The following SENP2 variants were observed in gnomAD, a reference collection of about 807,000 sequenced individuals.
SENP2 encodes the protein SUMO specific peptidase 2.
Under a neutral mutation model 86.3 loss-of-function variants are expected in SENP2, and 16 were observed. That is an observed-to-expected ratio of 0.19 (90% CI 0.13 to 0.28). SENP2 has a LOEUF of 0.28. Ranked by LOEUF, SENP2 falls within the 10% of genes least tolerant of loss-of-function variation. SENP2 has a pLI of 1.00. For missense variants in SENP2, 552 were observed against 703.0 expected, an observed-to-expected ratio of 0.79 and a Z score of 2.43; for synonymous variants, 222 against 238.7, an observed-to-expected ratio of 0.93 and a Z score of 0.64.
intron 2 of SENP2, among the ~76,000 whole-genome samples, chr3:185,592,007 ATTTCTTTTTT>A (rs1470572644): frequency 1.1e-4 from 4 of 35,082 alleles, no homozygotes; most frequent in Non-Finnish European, 2.3e-4. Flanking sequence ...AACCGGTAAT[ATTTCTTTTTT>A]TTTTTTTTTT....
intron 12 of SENP2, among the ~76,000 whole-genome samples, chr3:185,618,618 C>T (rs1020688933): frequency 6.6e-6 from 1 of 152,190 alleles, no homozygotes; most frequent in African/African-American, 2.4e-5. Context: ...GTGGCTCACG[C>T]CTGTAATCCC....
intron 1 of SENP2, among the ~76,000 whole-genome samples, chr3:185,589,263 A>G (rs886305446): frequency 6.6e-6 from 1 of 152,074 alleles, no homozygotes. Flanking sequence ...CTTGATTAAG[A>G]TTTGTCTTTT....
At chr3:185,597,392 G>A (rs1299448216) in intron 2 of SENP2, among the ~76,000 whole-genome samples, 4 of 151,622 alleles carry the variant, frequency 2.6e-5, no homozygotes, top group Admixed American at 6.6e-5. Flanking sequence ...TCACTCTGTC[G>A]CCCCGGCTGG....
Position 185,632,509 on chromosome 3 carries a change from A to C in SENP2, c.*2665A>C, listed in dbSNP as rs1712533573. ...CTCGGCCTCCCAAAGTGCTGGTATTACAGTCATGAGCCACCTCACCCAGCC... is the reference window on the plus strand; with the variant it reads ...CTCGGCCTCCCAAAGTGCTGGTATTCCAGTCATGAGCCACCTCACCCAGCC... On this transcript the variant is annotated 3_prime_UTR_variant, in exon 17 of 17. Transcript: ENST00000296257. The C allele has an allele frequency of 6.7e-6, 1 of 149,108 alleles. No individual in the cohort carries two copies. Among genetic ancestry groups the C allele is most frequent in the African/African-American group, 2.5e-5 (1 of 39,878 alleles). The allele number at this position is 149,108 out of a possible 1,614,324, so 9.2% of individuals were successfully genotyped here.
intron 16 of SENP2, among the ~76,000 whole-genome samples, chr3:185,628,400 G>A (rs576980468): frequency 6.6e-6 from 1 of 152,272 alleles, no homozygotes; most frequent in East Asian, 1.9e-4. Context: ...GCCTTCCAAA[G>A]TGCTGGGATT....
At chr3:185,599,682 G>A (rs1343131335) in intron 4 of SENP2, among the ~76,000 whole-genome samples, 1 of 152,128 alleles carries the variant, frequency 6.6e-6, no homozygotes, top group African/African-American at 2.4e-5. Flanking sequence ...AATGATAAAA[G>A]CCTTAGAGTT....
At position 185,630,018 on chromosome 3, in the gene SENP2, G is replaced by A. The variant is rs575330256; in HGVS notation, c.*174G>A. 2 of 619,228 alleles carry A rather than the reference G, an allele frequency of 3.2e-6. No individual in the cohort carries two copies. Among genetic ancestry groups the A allele is most frequent in the Non-Finnish European group, 5.8e-6 (2 of 345,250 alleles). The allele number at this position is 619,228 out of a possible 1,614,324, so 38.4% of individuals were successfully genotyped here. A position where few individuals can be genotyped will look rare whatever the true frequency, so the allele number is the denominator to read the frequency against. The stretch of plus-strand genomic sequence containing the variant: ...CTCTAGTCCTGACTTGGGGTGCAGA[G>A]GGCTGCTTGCAATCCTGTTTGTAAG... On this transcript the variant is annotated 3_prime_UTR_variant, in exon 17 of 17. Coordinates refer to ENST00000296257, the MANE Select transcript of SENP2 (RefSeq NM_021627.3).
Position 185,600,757 on chromosome 3 carries a change from T to C in SENP2, c.359-8T>C, listed in dbSNP as rs754593437. On this transcript the variant is annotated splice_polypyrimidine_tract_variant and splice_region_variant and intron_variant, in intron 4 of 16. Transcript: ENST00000296257. ...CATTTTACAATTACAAATGCATTTT[T>C]TAAATAGGTAATAAATCTCCTAATG... The C allele has an allele frequency of 6.4e-6, 10 of 1,556,854 alleles. No homozygotes were observed. The highest frequency in any genetic ancestry group is 7.9e-6 in the Non-Finnish European group (9 of 1,133,494).
At chr3:185,598,015 A>T in intron 2 of SENP2, among the ~76,000 whole-genome samples, 1 of 151,130 alleles carries the variant, frequency 6.6e-6, no homozygotes. Flanking sequence ...GGACTTTTTT[A>T]AATTTTTGTT....
chr3:185,594,006 G>A (rs1011267075), intron 2 of SENP2, among the ~76,000 whole-genome samples: 25 of 151,934 alleles, frequency 1.6e-4, no homozygotes, highest in African/African-American at 6.0e-4. Flanking sequence ...GGTATTACAG[G>A]CGTGAGCCAC....
At chr3:185,623,846 A>AAAAAAAAAAAC in intron 14 of SENP2, 152 bp from the exon 15 acceptor site, 1 of 445,700 alleles carries the variant, frequency 2.2e-6, no homozygotes, top group African/African-American at 2.1e-5. Flanking sequence ...AAAAAAAAAA[A>AAAAAAAAAAAC]AAAATCCAGA....
At chr3:185,596,822 T>G (rs889549756) in intron 2 of SENP2, among the ~76,000 whole-genome samples, 2 of 152,128 alleles carry the variant, frequency 1.3e-5, no homozygotes, top group Non-Finnish European at 1.5e-5. Context: ...AATCATGCCC[T>G]CACCTCTGTG....
At position 185,631,919 on chromosome 3, in the gene SENP2, C is replaced by T. The variant is rs1339745038; in HGVS notation, c.*2075C>T. The T allele has an allele frequency of 6.6e-6, 1 of 151,416 alleles. No homozygotes were observed. Among genetic ancestry groups the T allele is most frequent in the African/African-American group, 2.4e-5 (1 of 41,202 alleles). The allele number at this position is 151,416 out of a possible 1,614,324, so 9.4% of individuals were successfully genotyped here. On this transcript the variant is annotated 3_prime_UTR_variant, in exon 17 of 17. Transcript: ENST00000296257. ...AGTTCTCACTGAGCTTTCCATTAACCTACACTCTTCCGGACGGCTCTTAAA... is the reference window on the plus strand; with the variant it reads ...AGTTCTCACTGAGCTTTCCATTAACTTACACTCTTCCGGACGGCTCTTAAA...
At chr3:185,612,978 T>C (rs1327836216) in intron 9 of SENP2, among the ~76,000 whole-genome samples, 1 of 152,238 alleles carries the variant, frequency 6.6e-6, no homozygotes, top group Non-Finnish European at 1.5e-5. Context: ...TCTGCATGCT[T>C]TAGGATTTTG....
At chr3:185,592,218 A>G (rs146864951) in intron 2 of SENP2, among the ~76,000 whole-genome samples, 2,555 of 151,678 alleles carry the variant, frequency 0.017, 40 homozygotes, top group Non-Finnish European at 0.02. Context: ...AGCTGGGACT[A>G]TAGGCCCATA....
intron 16 of SENP2, 93 bp from the exon 17 acceptor site, chr3:185,629,689 G>A: frequency 8.2e-7 from 1 of 1,221,632 alleles, no homozygotes; most frequent in East Asian, 2.4e-5. Context: ...AAAGCACATG[G>A]ACATCCTGCT....
intron 16 of SENP2, 32 bp downstream of exon 16, chr3:185,626,425 G>A (rs1350864992): frequency 2.0e-6 from 3 of 1,467,260 alleles, no homozygotes; most frequent in Non-Finnish European, 2.9e-6. Context: ...CCATTTACTT[G>A]TTACTAAGCA....
chr3:185,624,131 A>G (rs1245646738), intron 15 of SENP2, 49 bp downstream of exon 15: 2 of 1,332,772 alleles, frequency 1.5e-6, no homozygotes, highest in Non-Finnish European at 2.1e-6. Context: ...ATTTACTAAT[A>G]GTATATTATC....
intron 1 of SENP2, among the ~76,000 whole-genome samples, chr3:185,587,101 TTG>T (rs1336265473): frequency 6.6e-6 from 1 of 152,116 alleles, no homozygotes; most frequent in Non-Finnish European, 1.5e-5. Context: ...CGGTTAAAAT[TTG>T]GGGGAAACGC....
Sources: gnomAD v4.1 joint callset for allele counts (sites outside exome capture counted in the v4.1 genomes callset) on GRCh38, gnomAD v4.1.1 for gene constraint, MANE v1.5 for transcripts, NCBI Gene and HGNC (gene_info 2026-07-23, HGNC 2026-07-21) for gene names.